GOLGA3: variants seen among roughly 807,000 people sequenced by gnomAD.
GOLGA3 encodes golgin A3.
Under a neutral mutation model 169.4 loss-of-function variants are expected in GOLGA3, and 75 were observed. The observed-to-expected ratio is 0.44, with a 90% confidence interval of 0.37 to 0.54. The LOEUF (loss-of-function observed/expected upper bound fraction) is 0.54, where lower values mean the gene tolerates loss of function less well. GOLGA3 is among the 20% of genes least tolerant of loss of function. The pLI is 0.00. For synonymous variants in GOLGA3, 824 were observed against 822.4 expected (o/e 1.00, Z -0.03); for missense variants, 1,899 against 1,930.0 (o/e 0.98, Z 0.30).
Position 132,807,163 on chromosome 12 carries a change from C to A in GOLGA3, c.1290+14G>T. 2.0e-6 allele frequency: 3 copies of A among 1,528,788 alleles called. No homozygotes were observed. Among genetic ancestry groups the A allele is most frequent in the South Asian group, 2.3e-5 (2 of 85,972 alleles). 94.7% of individuals were successfully genotyped at this position (1,528,788 alleles called of 1,614,324 possible). ...CTTCGCCGCACGCTGAGATGTCAGTCGAACGTCCGTTACCTGACTCGCCTC... is the reference window on the plus strand; with the variant it reads ...CTTCGCCGCACGCTGAGATGTCAGTAGAACGTCCGTTACCTGACTCGCCTC... On this transcript the variant is annotated intron_variant, in intron 6 of 23. Coordinates refer to ENST00000450791, the MANE Select transcript of GOLGA3 (RefSeq NM_001389683.1).
At chr12:132,783,819 G>T in intron 16 of GOLGA3, 1 of 1,034,878 alleles carries the variant, frequency 9.7e-7, no homozygotes, top group Non-Finnish European at 1.3e-6. Context: ...CTCATGATCC[G>T]CCCACCTCAG....
chr12:132,803,951 A>C (rs1949255649), intron 7 of GOLGA3, among the ~76,000 whole-genome samples: 1 of 150,578 alleles, frequency 6.6e-6, no homozygotes, highest in Non-Finnish European at 1.5e-5. Context: ...TCTCCTTCCC[A>C]CTCCTGTTCA....
At chr12:132,778,449 T>C (rs952171704) in intron 18 of GOLGA3, among the ~76,000 whole-genome samples, 2 of 150,970 alleles carry the variant, frequency 1.3e-5, no homozygotes, top group African/African-American at 2.4e-5. Context: ...CGGGCACCTG[T>C]AGTCCCAGCT....
intron 15 of GOLGA3, among the ~76,000 whole-genome samples, chr12:132,785,250 G>A (rs932628027): frequency 3.3e-5 from 5 of 152,124 alleles, no homozygotes; most frequent in Admixed American, 6.5e-5. Context: ...CAAAGAAAAT[G>A]GCAACTGAAT....
chr12:132,773,279 GC>G lies in GOLGA3; in HGVS notation c.4322del (p.Ser1441ThrfsTer11). 7.0e-7 allele frequency: 1 copy of G among 1,435,208 alleles called. No individual in the cohort carries two copies. Among genetic ancestry groups the G allele is most frequent in the Admixed American group, 2.6e-5 (1 of 39,018 alleles). 88.9% of individuals were successfully genotyped at this position (1,435,208 alleles called of 1,614,324 possible). Reference protein sequence around the residue: ...CLQQLKQEMDSLQRQMEEHAL... With the variant: ...CLQQLKQEMDXLQRQMEEHAL... ...CGTGCTCCTCCATCTGGCGCTGCAG[GC>G]TGTCCATCTCCTGCCTGGGACAGAA... On this transcript the variant is annotated frameshift_variant, in exon 24 of 24. Transcript: ENST00000450791. LOFTEE classifies it low-confidence loss of function (END_TRUNC).
intron 9 of GOLGA3, among the ~76,000 whole-genome samples, chr12:132,797,674 T>G (rs1210022635): frequency 6.6e-6 from 1 of 151,498 alleles, no homozygotes; most frequent in African/African-American, 2.4e-5. Context: ...ATCGCACCAC[T>G]GCACTCCACC....
rs553140192 is a variant in GOLGA3, at chr12:132,804,696, G to A, written c.1597+20C>T. ...AGGGACCAGTCAGGGAGGGGAGGGC[G>A]TGGCCAGGGCCAGCCTCACCTGTGT... On this transcript the variant is annotated intron_variant, in intron 7 of 23. Coordinates refer to ENST00000450791, the MANE Select transcript of GOLGA3 (RefSeq NM_001389683.1). The surrounding 1 kb of genome is among the most constrained non-coding windows in gnomAD (Gnocchi z 4.1). 1.6e-5 allele frequency: 25 copies of A among 1,590,664 alleles called. No homozygotes were observed. In the East Asian group the frequency reaches 4.5e-4, roughly 29 times the overall value.
At position 132,786,523 on chromosome 12, in the gene GOLGA3, C is replaced by T. The variant is rs748737914; in HGVS notation, c.2939G>A (p.Arg980Gln). 6.2e-6 allele frequency: 10 copies of T among 1,613,620 alleles called. No individual in the cohort carries two copies. Among genetic ancestry groups the T allele is most frequent in the African/African-American group, 2.7e-5 (2 of 74,848 alleles). The change falls in exon 15 of 24, where the codon CGG becomes CAG. Residue 980 changes from arginine to glutamine, a missense_variant. Arg to Gln is a conservative substitution (Grantham distance 43). Transcript: ENST00000450791. ...AITEQKQKMR[R>Q]LGSDLTSAQK... ...GGCGCTGGTCAAGTCTGAGCCCAGC[C>T]GCCTCATCTTCTGCTTCTGTTCCGT...
intron 2 of GOLGA3, among the ~76,000 whole-genome samples, chr12:132,819,258 G>A (rs578083173): frequency 3.4e-4 from 51 of 152,028 alleles, no homozygotes; most frequent in Non-Finnish European, 5.9e-4. Context: ...AGCCGGGCGC[G>A]GTGGCTCACG....
rs1024368417 is a variant in GOLGA3 at position 132,820,390 on chromosome 12, T to G, written c.133+1606A>C. On this transcript the variant is annotated intron_variant, in intron 2 of 23. Coordinates refer to ENST00000450791, the MANE Select transcript of GOLGA3 (RefSeq NM_001389683.1). ...TAGAAAAAGGGGCGGAGGCTGAGAT[T>G]AACCCAGCGTCTTGCTCGAGGGCAC... Among the ~76,000 whole-genome samples, 8 of 152,326 alleles carry G rather than the reference T, an allele frequency of 5.3e-5. No homozygotes were observed. In the East Asian group the frequency reaches 1.5e-3, roughly 29 times the overall value.
chr12:132,799,570 G>A (rs1949030696), intron 8 of GOLGA3, among the ~76,000 whole-genome samples: 2 of 152,160 alleles, frequency 1.3e-5, no homozygotes, highest in Admixed American at 1.3e-4. Context: ...AGCCCAACAG[G>A]TCAAGGCTGC....
In GOLGA3 at chr12:132,808,041, T is replaced by C. The variant is rs780473984; in HGVS notation, c.1028A>G (p.Tyr343Cys). 5 of 1,606,116 alleles carry C rather than the reference T, an allele frequency of 3.1e-6. No homozygotes were observed. Among genetic ancestry groups the C allele is most frequent in the South Asian group, 1.1e-5 (1 of 90,134 alleles). ...SKTVGTQDTP[Y>C]MVNGQEIPAD... ...AGGAATCTCCTGGCCGTTGACCATA[T>C]AGGGGGTGTCCTGCGTGCCCACTGT... Residue 343 changes from tyrosine (Y) to cysteine (C), a missense_variant, in exon 5 of 24, where the codon TAT becomes TGT. By Grantham distance (194) the Tyr-to-Cys change is radical (BLOSUM62 -2). Transcript: ENST00000450791.
chr12:132,808,047 G>C lies in GOLGA3; in HGVS notation c.1022C>G (p.Thr341Ser), dbSNP rs2136611499. 6.2e-7 allele frequency: 1 copy of C among 1,603,202 alleles called. No individual in the cohort carries two copies. The highest frequency in any genetic ancestry group is 8.5e-7 in the Non-Finnish European group (1 of 1,173,666). ...CTCCTGGCCGTTGACCATATAGGGG[G>C]TGTCCTGCGTGCCCACTGTCTTCGA... ...ILSKTVGTQD[T>S]PYMVNGQEIP... The change falls in exon 5 of 24, where the codon ACC (threonine) becomes AGC (serine). Residue 341 changes from threonine (T) to serine (S), a missense_variant. Transcript: ENST00000450791.
chr12:132,825,571 A>G, intron 1 of GOLGA3: 1 of 617,222 alleles, frequency 1.6e-6, no homozygotes, highest in Non-Finnish European at 2.9e-6. Context: ...ATCCTGGAGC[A>G]TCAACACTGC....
chr12:132,774,456 G>A (rs975073072), intron 22 of GOLGA3, 136 bp from the exon 23 acceptor site: 33 of 914,698 alleles, frequency 3.6e-5, no homozygotes, highest in South Asian at 2.3e-4. Flanking sequence ...CCTGGCCGCC[G>A]TGGCAGCCCA....
chr12:132,796,957 C>T (rs1351893685), intron 9 of GOLGA3, among the ~76,000 whole-genome samples: 1 of 152,158 alleles, frequency 6.6e-6, no homozygotes, highest in Non-Finnish European at 1.5e-5. Context: ...AGAGCCTCCC[C>T]GACTTTCTCG....
chr12:132,784,200 C>T lies in GOLGA3; in HGVS notation c.3231G>A (p.Glu1077=), dbSNP rs569786197. ...GCTCCAGCACCTTCTCCCGGGACTC[C>T]TCCAGCTCCTGGCTGGTCAGCGCTA... ...EVIALTSQEL[E]ESREKVLELE... Residue 1077 remains glutamate (E), a synonymous_variant, in exon 16 of 24, where the codon GAG becomes GAA. Coordinates refer to ENST00000450791, the MANE Select transcript of GOLGA3 (RefSeq NM_001389683.1). 3 of 1,610,340 alleles carry T rather than the reference C, an allele frequency of 1.9e-6. No homozygotes were observed. Among genetic ancestry groups the T allele is most frequent in the Admixed American group, 3.3e-5 (2 of 60,032 alleles).
chr12:132,783,947 C>T, intron 16 of GOLGA3: 1 of 1,440,406 alleles, frequency 6.9e-7, no homozygotes, highest in Non-Finnish European at 9.1e-7. Flanking sequence ...GTAACCATTC[C>T]ACCAAAGAGG....
intron 1 of GOLGA3, chr12:132,827,952 G>T (rs1457973799): frequency 6.6e-6 from 1 of 150,464 alleles, no homozygotes; most frequent in African/African-American, 2.4e-5. Flanking sequence ...GGCTTACACT[G>T]GCCCAGTGAC....
Sources: allele counts gnomAD v4.1 joint callset (sites outside exome capture counted in the v4.1 genomes callset), GRCh38; gene constraint gnomAD v4.1.1; non-coding constraint Gnocchi (gnomAD v3.1); transcripts MANE v1.5; gene names NCBI Gene and HGNC (gene_info 2026-07-23, HGNC 2026-07-21).